MED24: variants seen among roughly 807,000 people sequenced by gnomAD.
MED24 encodes the protein mediator of RNA polymerase II transcription subunit 24.
A neutral mutation model predicts 118.8 loss-of-function variants in MED24; 74 were observed. The observed-to-expected ratio is 0.62, with a 90% CI of 0.52 to 0.76. The LOEUF is 0.76. MED24 is among the 30% of genes least tolerant of loss of function. MED24 has a pLI of 0.00. For missense variants in MED24, 1,041 were observed against 1,278.9 expected (o/e 0.81, Z 2.84); for synonymous variants, 521 against 523.9 (o/e 0.99, Z 0.08).
rs567162642 is a variant in MED24, at chr17:40,044,079, G to T, written c.214-7925C>A. 3.4e-5 allele frequency among the ~76,000 whole-genome samples: 4 copies of T among 117,522 alleles called. No individual in the cohort carries two copies. The East Asian group carries it at 9.9e-4, about 29-fold the overall frequency. The allele number at this position is 117,522 out of a possible 152,430, so 77.1% of individuals were successfully genotyped here. ...GGAAGCTAAGGTTGCAATAAGCCGA[G>T]ATCACACAGCTGCACTCCAGTCTGG... On this transcript the variant is annotated intron_variant, in intron 3 of 25. Transcript: ENST00000394128.
chr17:40,029,372 G>A (rs1261529649), intron 13 of MED24, among the ~76,000 whole-genome samples: 3 of 152,090 alleles, frequency 2.0e-5, no homozygotes, highest in Non-Finnish European at 4.4e-5. Context: ...TGAATTTTGT[G>A]TTTTTAGTAG....
At chr17:40,022,888 C>T in intron 20 of MED24, 62 bp from the exon 21 acceptor site, 2 of 1,568,744 alleles carry the variant, frequency 1.3e-6, no homozygotes, top group Admixed American at 1.7e-5. Flanking sequence ...GCTCCTACAC[C>T]CTGCCACCCC....
intron 16 of MED24, 60 bp downstream of exon 16, chr17:40,027,323 G>A (rs1982791306): frequency 1.3e-6 from 2 of 1,531,172 alleles, no homozygotes; most frequent in Admixed American, 1.9e-5. Context: ...AGTGAGGTGG[G>A]GAGAGTTCCG....
rs1228929611 is a variant in MED24 at position 40,026,980 on chromosome 17, T to C, written c.1585A>G (p.Met529Val). 6.2e-7 allele frequency: 1 copy of C among 1,614,112 alleles called. No individual in the cohort carries two copies. The highest frequency in any genetic ancestry group is 1.7e-5 in the Admixed American group (1 of 60,012). Residue 529 changes from methionine (M) to valine (V), a missense_variant, in exon 17 of 26, where the codon ATG (methionine) becomes GTG (valine). Physicochemically the swap from Met to Val is conservative, Grantham distance 21 (BLOSUM62 1). Around this residue, in one of 3 missense-constraint regions of MED24, gnomAD observed 587 missense variants for 694.4 expected, o/e 0.85. Coordinates refer to ENST00000394128, the MANE Select transcript of MED24 (RefSeq NM_014815.4). ...GAEVPFFETW[M>V]QTCMPEEGKI... is the part of the protein sequence containing the mutation. ...CCCTCCTCAGGCATGCAGGTCTGCA[T>C]CCAGGTCTCGAAGAAGGGCACCTCA...
At chr17:40,024,861 A>G in intron 19 of MED24, among the ~76,000 whole-genome samples, 1 of 151,974 alleles carries the variant, frequency 6.6e-6, no homozygotes, top group Non-Finnish European at 1.5e-5. Flanking sequence ...TCAGCCTCCC[A>G]AGTAGCTGGG....
At chr17:40,038,476 G>A (rs1418420367) in intron 3 of MED24, among the ~76,000 whole-genome samples, 3 of 152,094 alleles carry the variant, frequency 2.0e-5, no homozygotes, top group Admixed American at 6.6e-5. Flanking sequence ...ACTTTGGGAG[G>A]CCAAGGAGGG....
chr17:40,027,513 GC>G, intron 15 of MED24, 48 bp from the exon 16 acceptor site: 1 of 1,551,516 alleles, frequency 6.4e-7, no homozygotes, highest in South Asian at 1.2e-5. Context: ...GCAGGGGGGA[GC>G]CCGTGTCTGG....
chr17:40,041,780 T>C (rs1984590637), intron 3 of MED24, among the ~76,000 whole-genome samples: 1 of 152,158 alleles, frequency 6.6e-6, no homozygotes, highest in African/African-American at 2.4e-5. Context: ...CCTAAACTGT[T>C]CTTAAATTCA....
intron 3 of MED24, among the ~76,000 whole-genome samples, chr17:40,043,386 C>T (rs557900132): frequency 1.5e-4 from 23 of 152,264 alleles, no homozygotes; most frequent in African/African-American, 5.3e-4. Flanking sequence ...GTTCAAGAGG[C>T]TGAAGGGACC....
At chr17:40,031,722 T>G in intron 10 of MED24, 102 bp from the exon 11 acceptor site, 1 of 1,116,588 alleles carries the variant, frequency 9.0e-7, no homozygotes, top group Non-Finnish European at 1.3e-6. Context: ...GTTGCCTGGC[T>G]GCTTTCTGCC....
At position 40,023,397 on chromosome 17, in the gene MED24, T is replaced by C. The variant is rs771823425; in HGVS notation, c.1986-2A>G. On this transcript the variant is annotated splice_acceptor_variant, in intron 19 of 25. Coordinates refer to ENST00000394128, the MANE Select transcript of MED24 (RefSeq NM_014815.4). LOFTEE classifies it high-confidence loss of function. ...AGGATCGAGTTCATGATCACCACCC[T>C]GGGGGAGGGCCGAGAGAACCTGAGG... The C allele has an allele frequency of 1.3e-5, 21 of 1,582,656 alleles. No homozygotes were observed. The highest frequency in any genetic ancestry group is 1.8e-5 in the Non-Finnish European group (21 of 1,162,094).
intron 17 of MED24, 42 bp from the exon 18 acceptor site, chr17:40,026,788 G>A (rs1451010805): frequency 5.6e-6 from 9 of 1,611,092 alleles, no homozygotes; most frequent in East Asian, 4.5e-5. Context: ...AGCAAGGAAC[G>A]GGCTCAGGGA....
chr17:40,042,220 G>A (rs944222995), intron 3 of MED24, among the ~76,000 whole-genome samples: 4 of 152,096 alleles, frequency 2.6e-5, no homozygotes, highest in Non-Finnish European at 5.9e-5. Context: ...AAATATAATA[G>A]GATTTTTATG....
intron 14 of MED24, 23 bp from the exon 15 acceptor site, chr17:40,027,969 G>A: frequency 6.2e-7 from 1 of 1,613,258 alleles, no homozygotes; most frequent in South Asian, 1.1e-5. Context: ...GAGACAGGCT[G>A]CATTGACCAG....
intron 3 of MED24, among the ~76,000 whole-genome samples, chr17:40,046,300 G>A (rs1985188492): frequency 1.4e-5 from 2 of 146,942 alleles, no homozygotes; most frequent in Admixed American, 6.8e-5. Context: ...TAGCCAGGAT[G>A]GTCTCGATCT....
intron 3 of MED24, among the ~76,000 whole-genome samples, chr17:40,043,849 C>A (rs1158933610): frequency 1.4e-5 from 2 of 142,006 alleles, no homozygotes; most frequent in East Asian, 4.2e-4. Flanking sequence ...CGAGATACTG[C>A]CACTGCAGTC....
chr17:40,032,458 G>A lies in MED24; in HGVS notation c.936+191C>T, dbSNP rs994034467. 1.0e-5 allele frequency: 6 copies of A among 586,274 alleles called. No homozygotes were observed. In the African/African-American group the frequency reaches 1.1e-4, roughly 11 times the overall value. The allele number at this position is 586,274 out of a possible 1,614,324, so 36.3% of individuals were successfully genotyped here. ...TGCACCTCTGTGGTAAGAAACAACG[G>A]AGTCTGCCAAATGGGCTAAATATAG... On this transcript the variant is annotated intron_variant, in intron 9 of 25. Coordinates refer to ENST00000394128, the MANE Select transcript of MED24 (RefSeq NM_014815.4).
At chr17:40,027,677 A>C in intron 15 of MED24, 1 of 664,164 alleles carries the variant, frequency 1.5e-6, no homozygotes, top group Non-Finnish European at 2.6e-6. Context: ...TGGCATACCT[A>C]ACCAAGTCGT....
intron 3 of MED24, among the ~76,000 whole-genome samples, chr17:40,045,464 A>G (rs539996107): frequency 1.3e-5 from 2 of 151,446 alleles, no homozygotes; most frequent in Non-Finnish European, 2.9e-5. Context: ...TCTCAAAAAA[A>G]AAAAAAAAAG....
Sources: allele counts gnomAD v4.1 joint callset (sites outside exome capture counted in the v4.1 genomes callset), GRCh38; gene constraint gnomAD v4.1.1; regional missense constraint gnomAD v4.1.1; transcripts MANE v1.5; gene names NCBI Gene and HGNC (gene_info 2026-07-23, HGNC 2026-07-21).